HLCS: variants seen among roughly 807,000 people sequenced by gnomAD.
HLCS encodes the protein holocarboxylase synthetase, also known as biotin--protein ligase.
In HLCS, 53 loss-of-function variants were observed where a neutral mutation model predicts 75.0. That is an observed-to-expected ratio of 0.71 (90% CI 0.57 to 0.89). The LOEUF (loss-of-function observed/expected upper bound fraction) is 0.89, where lower values mean the gene tolerates loss of function less well. Among genes scored for constraint, HLCS ranks in the 40% least tolerant of loss-of-function variants. The pLI is 0.00. For missense variants in HLCS, 966 were observed against 1,074.0 expected, an observed-to-expected ratio of 0.90 and a Z score of 1.41; for synonymous variants, 431 against 428.6, an observed-to-expected ratio of 1.01 and a Z score of -0.07.
intron 5 of HLCS, among the ~76,000 whole-genome samples, chr21:36,919,336 G>C (rs926138520): frequency 6.6e-6 from 1 of 152,232 alleles, no homozygotes; most frequent in Admixed American, 6.5e-5. Context: ...TATAAGAGAA[G>C]TATTAACCTA....
chr21:36,789,562 A>C (rs1481252346), intron 6 of HLCS, among the ~76,000 whole-genome samples: 1 of 152,210 alleles, frequency 6.6e-6, no homozygotes, highest in Non-Finnish European at 1.5e-5. Flanking sequence ...ATTAGTGAAG[A>C]CCAAAGTAAT....
At chr21:36,953,229 T>A (rs978920377) in intron 2 of HLCS, among the ~76,000 whole-genome samples, 1 of 152,300 alleles carries the variant, frequency 6.6e-6, no homozygotes, top group African/African-American at 2.4e-5. Flanking sequence ...CTCAAGTAGC[T>A]GGGACCACAG....
Position 36,936,435 on chromosome 21 carries a change from G to A in HLCS, c.1437+14C>T, listed in dbSNP as rs1037523468. On this transcript the variant is annotated intron_variant, in intron 4 of 10. Transcript: ENST00000674895. ...GATACCCAAAGATCACCAAATCCAT[G>A]CTGCCCTGAGTACCTGGCAAAGAAC... is the stretch of plus-strand genomic sequence containing the variant. 2.5e-6 allele frequency: 4 copies of A among 1,601,060 alleles called. No individual in the cohort carries two copies. In the Admixed American group the frequency reaches 5.0e-5, roughly 20 times the overall value.
In HLCS at chr21:36,874,656, C is replaced by T. The variant is rs73387215; in HGVS notation, c.1892+22204G>A. 1.9e-3 allele frequency among the ~76,000 whole-genome samples: 282 copies of T among 152,320 alleles called. 1 individual carries two copies. Among genetic ancestry groups the T allele is most frequent in the African/African-American group, 6.4e-3 (267 of 41,564 alleles). The stretch of plus-strand genomic sequence containing the variant: ...ATGTACATGTTAGAATTAGTGAGGA[C>T]GTGGTGGCCCATCTGGAGCAGCCAC... On this transcript the variant is annotated intron_variant, in intron 6 of 10. Transcript: ENST00000674895.
At chr21:36,925,744 T>C (rs1312423592) in intron 5 of HLCS, among the ~76,000 whole-genome samples, 1 of 152,216 alleles carries the variant, frequency 6.6e-6, no homozygotes, top group Non-Finnish European at 1.5e-5. Context: ...CGTGGCAGCC[T>C]GTGCTTTCTT....
intron 6 of HLCS, among the ~76,000 whole-genome samples, chr21:36,887,791 C>A (rs1298092635): frequency 1.3e-5 from 2 of 152,212 alleles, no homozygotes; most frequent in Non-Finnish European, 2.9e-5. Flanking sequence ...CTTTATTTCA[C>A]AATTACGCTA....
At chr21:36,888,172 G>A (rs1468499523) in intron 6 of HLCS, among the ~76,000 whole-genome samples, 2 of 151,894 alleles carry the variant, frequency 1.3e-5, no homozygotes, top group East Asian at 3.9e-4. Flanking sequence ...CTACTGTGAG[G>A]TCACTCAGCC....
chr21:36,767,403 C>A, intron 6 of HLCS, 118 bp from the exon 7 acceptor site: 1 of 959,856 alleles, frequency 1.0e-6, no homozygotes, highest in Non-Finnish European at 1.7e-6. Context: ...ATGGAAGGGC[C>A]AACTTTGGTT....
chr21:36,785,016 T>G (rs1013600056), intron 6 of HLCS, among the ~76,000 whole-genome samples: 3 of 152,134 alleles, frequency 2.0e-5, no homozygotes, highest in African/African-American at 7.2e-5. Flanking sequence ...GAAGGGCAGC[T>G]CCACCCGGCC....
chr21:36,971,182 A>G (rs2068780031), upstream of HLCS, among the ~76,000 whole-genome samples: 1 of 152,150 alleles, frequency 6.6e-6, no homozygotes, highest in South Asian at 2.1e-4. Flanking sequence ...GAACATCTTT[A>G]ACTATTGGAA....
intron 6 of HLCS, among the ~76,000 whole-genome samples, chr21:36,780,245 C>T (rs1468103228): frequency 1.3e-5 from 2 of 152,060 alleles, no homozygotes; most frequent in African/African-American, 4.8e-5. Context: ...AGCTTTTCCT[C>T]ATTTTTTCTT....
rs1238178167 is a variant in HLCS, at chr21:36,973,225, GTCTTTT to G, written c.-392-11061_-392-11056del. Among the ~76,000 whole-genome samples the G allele has an allele frequency of 4.5e-3, 462 of 103,788 alleles. 2 individuals are homozygous for G. The highest frequency in any genetic ancestry group is 0.017 in the Middle Eastern group (3 of 172). 68.1% of individuals were successfully genotyped at this position (103,788 alleles called of 152,430 possible). A position where few individuals can be genotyped will look rare whatever the true frequency, so the allele number is the denominator to read the frequency against. On this transcript the variant is annotated intron_variant, in intron 1 of 11. Transcript: ENST00000336648. ...AGCCTCAGCGACAGAGAAAGACCCT[GTCTTTT>G]TTTTTTTTTTTTTTTTTTTTTAGCA...
chr21:36,949,596 G>C (rs1768137035), intron 2 of HLCS, among the ~76,000 whole-genome samples: 1 of 152,200 alleles, frequency 6.6e-6, no homozygotes, highest in Non-Finnish European at 1.5e-5. Context: ...TCAAGGGAGG[G>C]GGAAGTGACT....
chr21:36,762,258 G>C (rs540222441), intron 8 of HLCS, among the ~76,000 whole-genome samples: 77 of 152,366 alleles, frequency 5.1e-4, no homozygotes, highest in Non-Finnish European at 7.8e-4. Flanking sequence ...GACAGTGCTG[G>C]AGGAAAGAGC....
upstream of HLCS, among the ~76,000 whole-genome samples, chr21:36,968,122 G>C (rs1303407264): frequency 6.6e-6 from 1 of 152,118 alleles, no homozygotes; most frequent in Admixed American, 6.5e-5. Flanking sequence ...GAGCTGAAGT[G>C]ATCTTCCTGG....
rs1031104329 is a variant in HLCS at position 36,966,618 on chromosome 21, G to A, written c.21C>T (p.Tyr7=). The A allele has an allele frequency of 5.8e-5, 57 of 984,150 alleles. No homozygotes were observed. The highest frequency in any genetic ancestry group is 6.4e-5 in the Non-Finnish European group (53 of 830,078). The allele number at this position is 984,150 out of a possible 1,614,324, so 61.0% of individuals were successfully genotyped here. A position where few individuals can be genotyped will look rare whatever the true frequency, so the allele number is the denominator to read the frequency against. ...GACCCCAGCGCGCCCACAGGTACAG[G>A]TAGCACAGCGTGATGAGCATGGCCG... is the stretch of plus-strand genomic sequence containing the variant. MLITLC[Y]LYLWARWGRR... The change falls in exon 1 of 11, where the codon TAC becomes TAT. Residue 7 remains tyrosine, a synonymous_variant. Transcript: ENST00000674895.
intron 6 of HLCS, among the ~76,000 whole-genome samples, chr21:36,884,379 T>C (rs2064359182): frequency 6.6e-6 from 1 of 152,246 alleles, no homozygotes; most frequent in Non-Finnish European, 1.5e-5. Context: ...CAGTAGCCAA[T>C]GAAGCTCCAG....
At chr21:36,821,225 G>A (rs1158839673) in intron 6 of HLCS, among the ~76,000 whole-genome samples, 1 of 152,142 alleles carries the variant, frequency 6.6e-6, no homozygotes, top group Non-Finnish European at 1.5e-5. Context: ...CCACAGTGAG[G>A]GCTGAGCTGG....
intron 7 of HLCS, 148 bp from the exon 8 acceptor site, chr21:36,765,320 A>T: frequency 2.4e-6 from 2 of 847,300 alleles, no homozygotes; most frequent in Non-Finnish European, 3.9e-6. Flanking sequence ...TGGGCTTAAT[A>T]AAAGAAAAGC....
Sources: gnomAD v4.1 joint callset for allele counts (sites outside exome capture counted in the v4.1 genomes callset) on GRCh38, gnomAD v4.1.1 for gene constraint, MANE v1.5 for transcripts, NCBI Gene and HGNC (gene_info 2026-07-23, HGNC 2026-07-21) for gene names.